The following RAB1A variants were observed in gnomAD, a reference collection of about 807,000 sequenced individuals.
RAB1A encodes the protein RAB1A, member RAS oncogene family.
RAB1A carries 2 observed loss-of-function variants against 26.0 expected under a neutral mutation model. That is an observed-to-expected ratio of 0.08 (90% CI 0.03 to 0.24). The LOEUF (loss-of-function observed/expected upper bound fraction) is 0.24. RAB1A is among the 10% of genes least tolerant of loss of function. RAB1A has a pLI of 1.00. For synonymous variants in RAB1A, 84 were observed against 84.9 expected, an observed-to-expected ratio of 0.99 and a Z score of 0.06; for missense variants, 100 against 247.0, an observed-to-expected ratio of 0.40 and a Z score of 3.99.
chr2:65,088,825 T>A, intron 5 of RAB1A, 114 bp downstream of exon 5: 2 of 1,337,710 alleles, frequency 1.5e-6, no homozygotes, highest in South Asian at 1.5e-5. Context: ...ATTGTCACTG[T>A]CACAGTATTC....
At chr2:65,105,691 G>A (rs1405750336) in intron 1 of RAB1A, among the ~76,000 whole-genome samples, 1 of 151,950 alleles carries the variant, frequency 6.6e-6, no homozygotes, top group Non-Finnish European at 1.5e-5. Context: ...AAATTCACAG[G>A]CTGTTTATCC....
chr2:65,128,545 T>C (rs920229188), intron 1 of RAB1A, among the ~76,000 whole-genome samples: 2 of 152,192 alleles, frequency 1.3e-5, no homozygotes, highest in Non-Finnish European at 2.9e-5. Flanking sequence ...GAAATTCTAA[T>C]AAAATACTAC....
chr2:65,128,842 A>C (rs555586482), intron 1 of RAB1A, among the ~76,000 whole-genome samples: 1 of 152,210 alleles, frequency 6.6e-6, no homozygotes. Flanking sequence ...ACTGTAGAGG[A>C]AATTTTTAAA....
At chr2:65,107,526 G>T (rs1391653959) in intron 1 of RAB1A, among the ~76,000 whole-genome samples, 1 of 151,978 alleles carries the variant, frequency 6.6e-6, no homozygotes, top group Non-Finnish European at 1.5e-5. Context: ...TCACTCTGTC[G>T]CCCAGGCTGG....
chr2:65,116,535 G>A (rs983378821), intron 1 of RAB1A, among the ~76,000 whole-genome samples: 8 of 152,146 alleles, frequency 5.3e-5, no homozygotes, highest in Non-Finnish European at 1.2e-4. Flanking sequence ...TACAAATCAC[G>A]TTTCTGAAAC....
chr2:65,116,570 T>C (rs1669831950), intron 1 of RAB1A, among the ~76,000 whole-genome samples: 1 of 152,220 alleles, frequency 6.6e-6, no homozygotes, highest in Non-Finnish European at 1.5e-5. Flanking sequence ...GTCTGGCACA[T>C]ACAGAAGCAC....
chr2:65,112,740 T>G (rs1669730578), intron 1 of RAB1A, among the ~76,000 whole-genome samples: 1 of 152,150 alleles, frequency 6.6e-6, no homozygotes, highest in Non-Finnish European at 1.5e-5. Context: ...CTTTAACAAC[T>G]GGATGGTGGG....
rs115695800 is a variant in RAB1A at position 65,097,188 on chromosome 2, T to G, written c.192+783A>C. Among the ~76,000 whole-genome samples the G allele has an allele frequency of 2.0e-5, 3 of 152,212 alleles. No individual in the cohort carries two copies. The East Asian group carries it at 5.8e-4, about 29-fold the overall frequency. ...GTGTTTATAGCCTACTTCTTGCTAA[T>G]AGCCTACTCTGAAAAATACTGAGAG... is the stretch of plus-strand genomic sequence containing the variant. On this transcript the variant is annotated intron_variant, in intron 3 of 5. Coordinates refer to ENST00000409784, the MANE Select transcript of RAB1A (RefSeq NM_004161.5).
chr2:65,130,095 T>A lies in RAB1A; in HGVS notation c.-180A>T. On this transcript the variant is annotated 5_prime_UTR_variant, in exon 1 of 6. Coordinates refer to ENST00000409784, the MANE Select transcript of RAB1A (RefSeq NM_004161.5). ...CAGCCGCCGCCACTCAGCTATCGCT[T>A]CCACCCAAAATGGCCGCCGGCGAAC... 1 of 747,948 alleles carries A rather than the reference T, an allele frequency of 1.3e-6. No individual in the cohort carries two copies. Among genetic ancestry groups the A allele is most frequent in the Admixed American group, 2.2e-5 (1 of 45,188 alleles). 46.3% of individuals were successfully genotyped at this position (747,948 alleles called of 1,614,324 possible). A position where few individuals can be genotyped will look rare whatever the true frequency, so the allele number is the denominator to read the frequency against.
At chr2:65,128,187 GAAT>G (rs564962437) in intron 1 of RAB1A, among the ~76,000 whole-genome samples, 102 of 151,948 alleles carry the variant, frequency 6.7e-4, no homozygotes, top group Middle Eastern at 3.4e-3. Context: ...ACCCTGACAG[GAAT>G]AATGACTCCA....
intron 4 of RAB1A, 127 bp from the exon 5 acceptor site, chr2:65,089,197 A>C (rs1669109359): frequency 2.2e-6 from 2 of 913,730 alleles, no homozygotes; most frequent in Non-Finnish European, 3.2e-6. Flanking sequence ...CTACAAAATA[A>C]CCACTGCTAA....
intron 1 of RAB1A, among the ~76,000 whole-genome samples, chr2:65,115,452 A>G (rs1669802719): frequency 2.6e-5 from 4 of 152,206 alleles, no homozygotes; most frequent in African/African-American, 7.2e-5. Flanking sequence ...ACAGAACACA[A>G]TTCAAAACCA....
intron 1 of RAB1A, among the ~76,000 whole-genome samples, chr2:65,127,658 G>A (rs1010496873): frequency 3.3e-5 from 5 of 152,186 alleles, no homozygotes; most frequent in South Asian, 2.1e-4. Flanking sequence ...CCCAGGAGGC[G>A]GAGGTGGCGG....
chr2:65,127,201 A>G (rs1209085270), intron 1 of RAB1A, among the ~76,000 whole-genome samples: 2 of 18,592 alleles, frequency 1.1e-4, no homozygotes, highest in Non-Finnish European at 2.9e-4. Context: ...TTACTTATTA[A>G]TTACTGTCCT....
At chr2:65,098,311 A>T (rs1213752913) in intron 2 of RAB1A, among the ~76,000 whole-genome samples, 1 of 152,178 alleles carries the variant, frequency 6.6e-6, no homozygotes, top group African/African-American at 2.4e-5. Context: ...TTTCCTTAAG[A>T]TCTCTACAAT....
intron 1 of RAB1A, among the ~76,000 whole-genome samples, chr2:65,127,080 G>C (rs1670117079): frequency 6.6e-6 from 1 of 152,086 alleles, no homozygotes; most frequent in East Asian, 1.9e-4. Flanking sequence ...TACAAATATA[G>C]TAGGCCAGAT....
rs369761914 is a variant in RAB1A at position 65,115,685 on chromosome 2, C to T, written c.24-10879G>A. Among the ~76,000 whole-genome samples the T allele has an allele frequency of 2.0e-5, 3 of 152,074 alleles. No homozygotes were observed. The South Asian group carries it at 6.2e-4, about 32-fold the overall frequency. ...ATCTGAGAGGGCAATGGTCTTTTCT[C>T]CAAATTTAAAGAAATAGTCAAGCAA... On this transcript the variant is annotated intron_variant, in intron 1 of 5. Transcript: ENST00000409784.
intron 1 of RAB1A, among the ~76,000 whole-genome samples, chr2:65,116,836 C>T (rs1004939086): frequency 2.0e-5 from 3 of 152,208 alleles, no homozygotes; most frequent in Admixed American, 2.0e-4. Flanking sequence ...CAGTAACATG[C>T]TCTGCAGCAA....
intron 2 of RAB1A, among the ~76,000 whole-genome samples, chr2:65,103,088 C>T (rs1400881185): frequency 1.3e-5 from 2 of 151,982 alleles, no homozygotes; most frequent in Non-Finnish European, 2.9e-5. Flanking sequence ...GGCTGAGGCA[C>T]ATGCATCGCT....
Sources: allele counts gnomAD v4.1 joint callset (sites outside exome capture counted in the v4.1 genomes callset), GRCh38; gene constraint gnomAD v4.1.1; transcripts MANE v1.5; gene names NCBI Gene and HGNC (gene_info 2026-07-23, HGNC 2026-07-21).